Variants in KCNT1 observed in about 807,000 individuals in gnomAD.
KCNT1 encodes potassium sodium-activated channel subfamily T member 1, also known as potassium channel subfamily T member 1.
KCNT1 carries 78 observed loss-of-function variants against 147.8 expected under a neutral mutation model. The ratio of observed to expected loss-of-function variants is 0.53; its 90% CI spans 0.44 to 0.64. KCNT1 has a LOEUF of 0.64. Ranked by LOEUF, KCNT1 falls within the 30% of genes least tolerant of loss-of-function variation. The pLI is 0.00. For synonymous variants in KCNT1, 867 were observed against 748.8 expected, an observed-to-expected ratio of 1.16 and a Z score of -2.58; for missense variants, 1,419 against 1,750.3, an observed-to-expected ratio of 0.81 and a Z score of 3.38.
chr9:135,712,352 T>G (rs190064282), intron 1 of KCNT1, among the ~76,000 whole-genome samples: 226 of 152,140 alleles, frequency 1.5e-3, no homozygotes, highest in Admixed American at 2.9e-3. Context: ...ACTCAGAAAA[T>G]AAAAAGATCA....
intron 2 of KCNT1, among the ~76,000 whole-genome samples, chr9:135,739,463 C>T (rs867879436): frequency 1.3e-5 from 2 of 151,990 alleles, no homozygotes; most frequent in African/African-American, 2.4e-5. Flanking sequence ...ACACCCTTGC[C>T]AGGACCTCCC....
rs545610597 is a variant in KCNT1 at position 135,724,134 on chromosome 9, G to A, written c.254+9414G>A. ...CTGTGGGATCCAGGCTCAGAGGCTC[G>A]AGAGGCACAGGGGGAGGGCACCAAG... is the stretch of plus-strand genomic sequence containing the variant. On this transcript the variant is annotated intron_variant, in intron 2 of 30. Transcript: ENST00000371757. Among the ~76,000 whole-genome samples the A allele has an allele frequency of 1.4e-3, 220 of 152,294 alleles. 1 individual carries two copies. Among genetic ancestry groups the A allele is most frequent in the African/African-American group, 5.2e-3 (214 of 41,546 alleles).
chr9:135,720,186 C>A (rs1564318442), intron 2 of KCNT1, among the ~76,000 whole-genome samples: 1 of 151,968 alleles, frequency 6.6e-6, no homozygotes, highest in Non-Finnish European at 1.5e-5. Context: ...TGCACCCCTT[C>A]CATTCACCCG....
chr9:135,707,363 A>G (rs988661879), intron 1 of KCNT1, among the ~76,000 whole-genome samples: 5 of 151,946 alleles, frequency 3.3e-5, no homozygotes, highest in African/African-American at 7.3e-5. Flanking sequence ...GCTGTCCCCA[A>G]GGGTCCCCTG....
chr9:135,717,666 C>T (rs1835774779), intron 2 of KCNT1, among the ~76,000 whole-genome samples: 1 of 152,322 alleles, frequency 6.6e-6, no homozygotes, highest in South Asian at 2.1e-4. Flanking sequence ...TGGACTCAGG[C>T]CCTCCTGAGA....
At position 135,778,766 on chromosome 9, in the gene KCNT1, C is replaced by T. The variant is rs373503298; in HGVS notation, c.2673C>T (p.Ala891=). ...TGGACAAGGAGAGCACCATGAGCGC[C>T]GAGGAGGACTACATGGCGGACGCCA... ...VVVDKESTMS[A]EEDYMADAKT... The change falls in exon 23 of 31, where the codon GCC becomes GCT. Residue 891 remains alanine, a synonymous_variant. Transcript: ENST00000371757. The T allele has an allele frequency of 6.2e-5, 100 of 1,613,772 alleles. No homozygotes were observed. Among genetic ancestry groups the T allele is most frequent in the Non-Finnish European group, 7.8e-5 (92 of 1,179,916 alleles).
chr9:135,770,515 C>T (rs1467575882), intron 17 of KCNT1, 68 bp downstream of exon 17: 5 of 1,529,866 alleles, frequency 3.3e-6, no homozygotes, highest in Non-Finnish European at 4.4e-6. Flanking sequence ...TCCCCACCCT[C>T]CCGGTCAGGC....
chr9:135,733,219 GCCCCCACAACTGCCCCCCA>G, intron 2 of KCNT1, among the ~76,000 whole-genome samples: 1 of 38,160 alleles, frequency 2.6e-5, no homozygotes, highest in Non-Finnish European at 5.3e-5. Context: ...CTTCACACCT[GCCCCCACAACTGCCCCCCA>G]TACCTGCCCC....
At chr9:135,768,543 T>C in intron 13 of KCNT1, 67 bp from the exon 14 acceptor site, 1 of 1,342,032 alleles carries the variant, frequency 7.5e-7, no homozygotes, top group Non-Finnish European at 1.0e-6. Flanking sequence ...CCACCTCACC[T>C]CCGCACCCCC....
At position 135,784,828 on chromosome 9, in the gene KCNT1, C is replaced by G. The variant is rs1588402030; in HGVS notation, c.3095C>G (p.Ser1032Cys). 6.2e-7 allele frequency: 1 copy of G among 1,612,896 alleles called. No homozygotes were observed. The highest frequency in any genetic ancestry group is 1.3e-5 in the African/African-American group (1 of 75,062). Residue 1032 changes from serine to cysteine, a missense_variant, in exon 27 of 31, where the codon TCC (serine) becomes TGC (cysteine). By Grantham distance (112) the Ser-to-Cys change is moderately radical. Around this residue, in one of 5 missense-constraint regions of KCNT1, gnomAD observed 247 missense variants for 397.1 expected, o/e 0.62. Coordinates refer to ENST00000371757, the MANE Select transcript of KCNT1 (RefSeq NM_020822.3). Reference sequence around the variant, plus strand: ...CGCCTCTTCCAGAAGCTCTGCTCCTCCAGCGCCGAGATCCCCATTGGCATC... The same window carrying G: ...CGCCTCTTCCAGAAGCTCTGCTCCTGCAGCGCCGAGATCCCCATTGGCATC... ...YGRLFQKLCS[S>C]SAEIPIGIYR...
intron 30 of KCNT1, 54 bp from the exon 31 acceptor site, chr9:135,791,987 A>AGGCTGT: frequency 6.2e-7 from 1 of 1,605,158 alleles, no homozygotes; most frequent in Non-Finnish European, 8.5e-7. Flanking sequence ...CAGAGGGCTG[A>AGGCTGT]GCAGGGGCTG....
rs150407506 is a variant in KCNT1 at position 135,732,796 on chromosome 9, T to C, written c.255-17302T>C. The stretch of plus-strand genomic sequence containing the variant: ...TCTCTCATTCTCTCTCTCTTCTCTT[T>C]TTTCTCCCTTCCTTCCTTTCCTTCT... On this transcript the variant is annotated intron_variant, in intron 2 of 30. Transcript: ENST00000371757. Among the ~76,000 whole-genome samples, 575 of 151,940 alleles carry C rather than the reference T, an allele frequency of 3.8e-3. 3 individuals are homozygous for C. Among genetic ancestry groups the C allele is most frequent in the African/African-American group, 0.013 (533 of 41,412 alleles).
intron 13 of KCNT1, 122 bp downstream of exon 13, chr9:135,765,882 C>T: frequency 1.1e-6 from 1 of 949,034 alleles, no homozygotes; most frequent in Non-Finnish European, 1.6e-6. Flanking sequence ...GCATTATAGA[C>T]TATCCCCAGG....
intron 28 of KCNT1, 51 bp from the exon 29 acceptor site, chr9:135,786,146 C>G: frequency 2.6e-6 from 4 of 1,539,260 alleles, no homozygotes; most frequent in Non-Finnish European, 3.5e-6. Flanking sequence ...AGCCCGCGAC[C>G]CTCCCGGCAG....
chr9:135,786,809 A>G (rs949824559), intron 29 of KCNT1, among the ~76,000 whole-genome samples: 5 of 152,246 alleles, frequency 3.3e-5, no homozygotes, highest in Non-Finnish European at 5.9e-5. Flanking sequence ...TGAGCCCCGT[A>G]GGGAGGTGCT....
Position 135,752,545 on chromosome 9 carries a change from T to C in KCNT1, c.435-1392T>C, listed in dbSNP as rs1831236387. On this transcript the variant is annotated intron_variant, in intron 4 of 30. Coordinates refer to ENST00000371757, the MANE Select transcript of KCNT1 (RefSeq NM_020822.3). The surrounding 1 kb of genome is among the most constrained non-coding windows in gnomAD (Gnocchi z 5.1). Reference sequence around the variant, plus strand: ...CCAAGTCTGTTGTGTTCACTGCCCGTCCCCTAGCACAGCGTCCAGGACATG... The same window carrying C: ...CCAAGTCTGTTGTGTTCACTGCCCGCCCCCTAGCACAGCGTCCAGGACATG... 2.4e-6 allele frequency: 1 copy of C among 423,422 alleles called. No homozygotes were observed. Among genetic ancestry groups the C allele is most frequent in the Non-Finnish European group, 4.7e-6 (1 of 212,472 alleles). The allele number at this position is 423,422 out of a possible 1,614,324, so 26.2% of individuals were successfully genotyped here. A position where few individuals can be genotyped will look rare whatever the true frequency, so the allele number is the denominator to read the frequency against.
chr9:135,763,670 CTG>C (rs1361779878), intron 11 of KCNT1, among the ~76,000 whole-genome samples: 1 of 152,188 alleles, frequency 6.6e-6, no homozygotes, highest in Non-Finnish European at 1.5e-5. Context: ...GGCCTCTTCT[CTG>C]TACCTCTCAC....
rs368875875 is a variant in KCNT1, at chr9:135,784,606, G to T, written c.3015G>T (p.Gly1005=). Residue 1005 remains glycine, a synonymous_variant, in exon 26 of 31, where the codon GGG becomes GGT. Transcript: ENST00000371757. ...LLGLDTTPGS[G]YLCAMKITEG... is the part of the protein sequence containing the mutation. ...GCCTGGACACCACGCCGGGCTCGGG[G>T]TACCTCTGTGCCGTAAGTGCCCCTG... 145 of 1,610,108 alleles carry T rather than the reference G, an allele frequency of 9.0e-5. No homozygotes were observed. The highest frequency in any genetic ancestry group is 1.2e-4 in the Non-Finnish European group (139 of 1,179,310).
Position 135,778,651 on chromosome 9 carries a change from C to T in KCNT1, c.2595-37C>T, listed in dbSNP as rs187287535. The T allele has an allele frequency of 7.3e-5, 118 of 1,612,094 alleles. 1 individual carries two copies. In the East Asian group the frequency reaches 2.2e-3, roughly 30 times the overall value. On this transcript the variant is annotated intron_variant, in intron 22 of 30. Transcript: ENST00000371757. ...GGGGTCCTGTGGGTGGGGAGTGGGC[C>T]GCATCCTCAGCCACGGGCCCTCGGT...
Sources: allele counts gnomAD v4.1 joint callset (sites outside exome capture counted in the v4.1 genomes callset), GRCh38; gene constraint gnomAD v4.1.1; regional missense constraint gnomAD v4.1.1; non-coding constraint Gnocchi (gnomAD v3.1); transcripts MANE v1.5; gene names NCBI Gene and HGNC (gene_info 2026-07-23, HGNC 2026-07-21).